Variants in RASA2 observed in about 807,000 individuals in gnomAD.
The protein encoded by RASA2 is RAS p21 protein activator 2, also known as ras GTPase-activating protein 2.
Under a neutral mutation model 118.2 loss-of-function variants are expected in RASA2, and 155 were observed. That is an observed-to-expected ratio of 1.31 (90% CI 1.15 to 1.50). The LOEUF is 1.50. Among genes scored for constraint, RASA2 ranks in the 40% most tolerant of loss-of-function variants. The pLI is 0.00. For synonymous variants in RASA2, 353 were observed against 349.1 expected, an observed-to-expected ratio of 1.01 and a Z score of -0.12; for missense variants, 1,016 against 1,009.6, an observed-to-expected ratio of 1.01 and a Z score of -0.09.
At chr3:141,528,087 A>G (rs1209750576) in intron 3 of RASA2, among the ~76,000 whole-genome samples, 1 of 151,930 alleles carries the variant, frequency 6.6e-6, no homozygotes, top group Non-Finnish European at 1.5e-5. Context: ...AACTTCATGT[A>G]TTCATAGACA....
intron 19 of RASA2, among the ~76,000 whole-genome samples, chr3:141,590,400 A>G (rs1269486833): frequency 1.3e-5 from 2 of 152,216 alleles, no homozygotes; most frequent in Non-Finnish European, 2.9e-5. Flanking sequence ...GAACCATAAT[A>G]TAACACCTTA....
intron 19 of RASA2, chr3:141,590,005 A>G (rs2083263941): frequency 2.5e-6 from 1 of 406,614 alleles, no homozygotes; most frequent in South Asian, 1.8e-5. Flanking sequence ...CATTGGAGGA[A>G]TGAGATATGA....
chr3:141,547,856 C>T (rs1378164979), intron 5 of RASA2, among the ~76,000 whole-genome samples: 1 of 152,050 alleles, frequency 6.6e-6, no homozygotes, highest in Non-Finnish European at 1.5e-5. Context: ...GAGGTTTGAT[C>T]CTTCTGTACC....
intron 5 of RASA2, among the ~76,000 whole-genome samples, chr3:141,545,416 A>G (rs1207236379): frequency 3.3e-5 from 5 of 150,618 alleles, no homozygotes; most frequent in Non-Finnish European, 1.5e-5. Context: ...GGTGTCCTAC[A>G]TGGCAGGAGC....
At chr3:141,574,504 A>G (rs2082979787) in intron 14 of RASA2, among the ~76,000 whole-genome samples, 1 of 152,166 alleles carries the variant, frequency 6.6e-6, no homozygotes, top group Non-Finnish European at 1.5e-5. Context: ...GTTTTTAAGT[A>G]CAACCTTCTT....
chr3:141,533,926 C>T (rs954570606), intron 4 of RASA2, among the ~76,000 whole-genome samples: 5 of 152,102 alleles, frequency 3.3e-5, no homozygotes, highest in Non-Finnish European at 7.3e-5. Context: ...TTTTTCAGTC[C>T]TCATCTTACT....
intron 1 of RASA2, among the ~76,000 whole-genome samples, chr3:141,493,743 A>G (rs1434569117): frequency 6.6e-6 from 1 of 152,206 alleles, no homozygotes; most frequent in Non-Finnish European, 1.5e-5. Context: ...AAAACAGTAT[A>G]TACATTGAAA....
intron 19 of RASA2, among the ~76,000 whole-genome samples, chr3:141,602,293 A>G (rs914982079): frequency 1.5e-4 from 23 of 152,168 alleles, no homozygotes; most frequent in Non-Finnish European, 3.4e-4. Flanking sequence ...GTGGGGGGTC[A>G]TGTATTTGGG....
chr3:141,592,988 A>G (rs1041764130), intron 19 of RASA2, among the ~76,000 whole-genome samples: 8 of 152,152 alleles, frequency 5.3e-5, no homozygotes, highest in African/African-American at 1.7e-4. Context: ...AACCTTTAGC[A>G]GAATATATAT....
At chr3:141,498,424 TC>T (rs1337037049) in intron 1 of RASA2, among the ~76,000 whole-genome samples, 1 of 152,244 alleles carries the variant, frequency 6.6e-6, no homozygotes, top group Non-Finnish European at 1.5e-5. Context: ...TAGTGGATAT[TC>T]AATAAAATTA....
intron 15 of RASA2, among the ~76,000 whole-genome samples, chr3:141,579,798 G>A (rs9829588): frequency 6.6e-6 from 1 of 151,502 alleles, no homozygotes; most frequent in African/African-American, 2.4e-5. Flanking sequence ...GCTCATGCCT[G>A]TAATCCCAGC....
In RASA2 at chr3:141,580,266, T is replaced by C. The variant is rs973899039; in HGVS notation, c.1591-102T>C. ...TGTGTGTGTTTTGAACGTTTTTGAG[T>C]CATTGTTTTACAGCAATGTAGTCCA... On this transcript the variant is annotated intron_variant, in intron 15 of 23. Coordinates refer to ENST00000286364, the MANE Select transcript of RASA2 (RefSeq NM_006506.5). 2.3e-5 allele frequency: 19 copies of C among 834,856 alleles called. No homozygotes were observed. In the African/African-American group the frequency reaches 3.0e-4, roughly 13 times the overall value. 51.7% of individuals were successfully genotyped at this position (834,856 alleles called of 1,614,324 possible).
intron 19 of RASA2, among the ~76,000 whole-genome samples, chr3:141,591,734 C>G (rs1346068730): frequency 2.6e-5 from 4 of 152,132 alleles, no homozygotes; most frequent in African/African-American, 7.2e-5. Context: ...ATTAAATGCC[C>G]TAGCTTATAT....
chr3:141,535,326 C>G (rs1348035765), intron 4 of RASA2, among the ~76,000 whole-genome samples: 1 of 152,052 alleles, frequency 6.6e-6, no homozygotes, highest in Admixed American at 6.5e-5. Context: ...GGTCTGGACC[C>G]TTAGACAGTA....
intron 4 of RASA2, among the ~76,000 whole-genome samples, chr3:141,531,493 T>TAC (rs749597436): frequency 6.6e-6 from 1 of 151,650 alleles, no homozygotes; most frequent in Admixed American, 6.6e-5. Context: ...TGTATATATA[T>TAC]ACACACACAT....
intron 17 of RASA2, among the ~76,000 whole-genome samples, chr3:141,581,751 T>C (rs1366614064): frequency 6.6e-6 from 1 of 152,164 alleles, no homozygotes; most frequent in Non-Finnish European, 1.5e-5. Flanking sequence ...AAATTTATGG[T>C]AGTAACCTGA....
intron 19 of RASA2, among the ~76,000 whole-genome samples, chr3:141,606,863 G>T (rs2083557014): frequency 6.6e-6 from 1 of 152,148 alleles, no homozygotes; most frequent in African/African-American, 2.4e-5. Flanking sequence ...CAAAGCTTGG[G>T]GGTGAAATAA....
In RASA2 at chr3:141,555,870, G is replaced by C. The variant is rs1388759438; in HGVS notation, c.642G>C (p.Lys214Asn). 6.2e-7 allele frequency: 1 copy of C among 1,612,484 alleles called. No homozygotes were observed. The highest frequency in any genetic ancestry group is 8.5e-7 in the Non-Finnish European group (1 of 1,179,346). Reference protein sequence around the residue: ...RNDQKKTKVKKKTSNPQFNEI... With the variant: ...RNDQKKTKVKNKTSNPQFNEI... The stretch of plus-strand genomic sequence containing the variant: ...ACCAAAAGAAGACAAAAGTAAAGAA[G>C]AAAACAAGCAATCCGCAGTTTAATG... Residue 214 changes from lysine (K) to asparagine (N), a missense_variant, in exon 7 of 24, where the codon AAG becomes AAC. By Grantham distance (94) the Lys-to-Asn change is moderately conservative. Coordinates refer to ENST00000286364, the MANE Select transcript of RASA2 (RefSeq NM_006506.5).
chr3:141,554,646 A>G (rs1040248624), intron 6 of RASA2, among the ~76,000 whole-genome samples: 1 of 152,192 alleles, frequency 6.6e-6, no homozygotes, highest in African/African-American at 2.4e-5. Flanking sequence ...ACATGCATAC[A>G]TACACACCCC....
Sources: gnomAD v4.1 joint callset for allele counts (sites outside exome capture counted in the v4.1 genomes callset) on GRCh38, gnomAD v4.1.1 for gene constraint, MANE v1.5 for transcripts, NCBI Gene and HGNC (gene_info 2026-07-23, HGNC 2026-07-21) for gene names.